Variants in EPAS1 observed in about 807,000 individuals in gnomAD.
EPAS1 encodes endothelial PAS domain-containing protein 1.
Under a neutral mutation model 87.9 loss-of-function variants are expected in EPAS1, and 23 were observed. The observed-to-expected ratio is 0.26, with a 90% CI of 0.19 to 0.37. EPAS1 has a LOEUF of 0.37. Ranked by LOEUF, EPAS1 falls within the 10% of genes least tolerant of loss-of-function variation. The pLI is 1.00. For synonymous variants in EPAS1, 508 were observed against 444.3 expected, an observed-to-expected ratio of 1.14 and a Z score of -1.80; for missense variants, 1,138 against 1,120.7, an observed-to-expected ratio of 1.02 and a Z score of -0.22.
intron 6 of EPAS1, among the ~76,000 whole-genome samples, chr2:46,363,013 G>GGTA (rs1684431811): frequency 1.5e-5 from 2 of 131,474 alleles, no homozygotes; most frequent in African/African-American, 2.8e-5. Flanking sequence ...TGGTGGTGGT[G>GGTA]GTGGTGATAA....
chr2:46,323,827 A>G lies in EPAS1; in HGVS notation c.27-23046A>G, dbSNP rs7609038. On this transcript the variant is annotated intron_variant, in intron 1 of 15. Coordinates refer to ENST00000263734, the MANE Select transcript of EPAS1 (RefSeq NM_001430.5). Reference sequence around the variant, plus strand: ...ATCTGTTTTCCACAGGGAAGCCAAAACAGAATTTTGCAAAGATATACATGA... The same window carrying G: ...ATCTGTTTTCCACAGGGAAGCCAAAGCAGAATTTTGCAAAGATATACATGA... Among the ~76,000 whole-genome samples, 710 of 152,338 alleles carry G rather than the reference A, an allele frequency of 4.7e-3. 6 individuals are homozygous for G. Among genetic ancestry groups the G allele is most frequent in the African/African-American group, 0.017 (693 of 41,570 alleles).
intron 1 of EPAS1, among the ~76,000 whole-genome samples, chr2:46,303,571 C>T (rs763490103): frequency 6.3e-4 from 96 of 152,256 alleles, no homozygotes; most frequent in Non-Finnish European, 1.2e-3. Context: ...GTGGAGACAG[C>T]TATGACTCCA....
chr2:46,365,879 A>T (rs1201578781), intron 6 of EPAS1, among the ~76,000 whole-genome samples: 1 of 152,104 alleles, frequency 6.6e-6, no homozygotes, highest in Non-Finnish European at 1.5e-5. Context: ...CGATGGGCAG[A>T]GTGTGGAAGG....
intron 1 of EPAS1, among the ~76,000 whole-genome samples, chr2:46,317,593 T>C (rs1043461160): frequency 1.3e-5 from 2 of 152,224 alleles, no homozygotes; most frequent in African/African-American, 4.8e-5. Context: ...AAATGATAAG[T>C]GGCTTCAGCT....
At position 46,346,780 on chromosome 2, in the gene EPAS1, G is replaced by A. The variant is rs1483134088; in HGVS notation, c.27-93G>A. 7.5e-6 allele frequency: 10 copies of A among 1,341,730 alleles called. No homozygotes were observed. The highest frequency in any genetic ancestry group is 1.0e-5 in the Non-Finnish European group (10 of 952,758). 83.1% of individuals were successfully genotyped at this position (1,341,730 alleles called of 1,614,324 possible). A position where few individuals can be genotyped will look rare whatever the true frequency, so the allele number is the denominator to read the frequency against. ...ATCAGTCTAGTAAGGGAGTGTGGCTGCACTGGGGGTTGGGGCCATGGGGAT... is the reference window on the plus strand; with the variant it reads ...ATCAGTCTAGTAAGGGAGTGTGGCTACACTGGGGGTTGGGGCCATGGGGAT... On this transcript the variant is annotated intron_variant, in intron 1 of 15. Coordinates refer to ENST00000263734, the MANE Select transcript of EPAS1 (RefSeq NM_001430.5). The surrounding 1 kb of genome is among the most constrained non-coding windows in gnomAD (Gnocchi z 4.0).
At chr2:46,314,210 G>T (rs1683270052) in intron 1 of EPAS1, among the ~76,000 whole-genome samples, 1 of 152,172 alleles carries the variant, frequency 6.6e-6, no homozygotes, top group African/African-American at 2.4e-5. Flanking sequence ...TACACCGGAG[G>T]AGTAGAGGCC....
chr2:46,308,495 TA>T (rs965767629), intron 1 of EPAS1, among the ~76,000 whole-genome samples: 1 of 147,114 alleles, frequency 6.8e-6, no homozygotes, highest in South Asian at 2.1e-4. Flanking sequence ...CTTAGTTTTT[TA>T]AAAAAAATAA....
chr2:46,343,495 G>A (rs187621826), intron 1 of EPAS1, among the ~76,000 whole-genome samples: 8 of 152,302 alleles, frequency 5.3e-5, no homozygotes, highest in Non-Finnish European at 1.5e-5. Flanking sequence ...TTGAGACAAT[G>A]TTTTTAGCAA....
At position 46,380,815 on chromosome 2, in the gene EPAS1, C is replaced by A. The variant is rs1684872929; in HGVS notation, c.2045+98C>A. ...CCAGGGAGGCCCCTGCCCCTCTCCC[C>A]AGCCATCTGATACCCCATTTAGCCC... is the stretch of plus-strand genomic sequence containing the variant. On this transcript the variant is annotated intron_variant, in intron 12 of 15. Coordinates refer to ENST00000263734, the MANE Select transcript of EPAS1 (RefSeq NM_001430.5). This position sits in a 1 kb window ranked among gnomAD's most constrained non-coding sequence, Gnocchi z 4.4. The A allele has an allele frequency of 2.2e-5, 35 of 1,583,146 alleles. No individual in the cohort carries two copies. Among genetic ancestry groups the A allele is most frequent in the Non-Finnish European group, 2.9e-5 (34 of 1,168,404 alleles).
At chr2:46,299,216 G>A (rs1385450251) in intron 1 of EPAS1, among the ~76,000 whole-genome samples, 1 of 152,236 alleles carries the variant, frequency 6.6e-6, no homozygotes, top group Non-Finnish European at 1.5e-5. Context: ...TTCCCACCTC[G>A]GGGCACCGAT....
chr2:46,380,158 T>G lies in EPAS1; in HGVS notation c.1555-69T>G. The G allele has an allele frequency of 6.3e-7, 1 of 1,598,936 alleles. No individual in the cohort carries two copies. The highest frequency in any genetic ancestry group is 8.5e-7 in the Non-Finnish European group (1 of 1,179,310). On this transcript the variant is annotated intron_variant, in intron 11 of 15. Coordinates refer to ENST00000263734, the MANE Select transcript of EPAS1 (RefSeq NM_001430.5). This position sits in a 1 kb window ranked among gnomAD's most constrained non-coding sequence, Gnocchi z 4.4. The stretch of plus-strand genomic sequence containing the variant: ...TTGAGATGAATGGCTCTGCAGGAGC[T>G]GAGTTGGAATAGTGTTTGTGAGGTC...
intron 1 of EPAS1, among the ~76,000 whole-genome samples, chr2:46,330,961 C>T (rs906514426): frequency 2.0e-5 from 3 of 151,790 alleles, no homozygotes; most frequent in Non-Finnish European, 4.4e-5. Context: ...TGGGTTATGT[C>T]ATCTTTCTTG....
chr2:46,362,872 C>T (rs1217901317), intron 6 of EPAS1, among the ~76,000 whole-genome samples: 1 of 151,910 alleles, frequency 6.6e-6, no homozygotes, highest in African/African-American at 2.4e-5. Flanking sequence ...AAGAAATGCT[C>T]TAACCTCATA....
At position 46,386,562 on chromosome 2, in the gene EPAS1, A is replaced by G. The variant is rs1271594121; in HGVS notation, c.*1902A>G. On this transcript the variant is annotated 3_prime_UTR_variant, in exon 16 of 16. Transcript: ENST00000263734. ...ATATTCCAAGCTTCATATTAACCCTACCTGTCAACGTAACGATTTCATGAA... is the reference window on the plus strand; with the variant it reads ...ATATTCCAAGCTTCATATTAACCCTGCCTGTCAACGTAACGATTTCATGAA... 6.6e-6 allele frequency: 1 copy of G among 152,622 alleles called. No individual in the cohort carries two copies. The highest frequency in any genetic ancestry group is 2.4e-5 in the African/African-American group (1 of 41,442). The allele number at this position is 152,622 out of a possible 1,614,324, so 9.5% of individuals were successfully genotyped here. A position where few individuals can be genotyped will look rare whatever the true frequency, so the allele number is the denominator to read the frequency against.
rs1346270479 is a variant in EPAS1, at chr2:46,347,238, C to T, written c.217+175C>T. On this transcript the variant is annotated intron_variant, in intron 2 of 15. Coordinates refer to ENST00000263734, the MANE Select transcript of EPAS1 (RefSeq NM_001430.5). The surrounding 1 kb of genome is among the most constrained non-coding windows in gnomAD (Gnocchi z 4.2). ...TTCATGTTAAACATCTCTCTTCCAGCAGTGACCTTTACCGTGAATCCAGCT... is the reference window on the plus strand; with the variant it reads ...TTCATGTTAAACATCTCTCTTCCAGTAGTGACCTTTACCGTGAATCCAGCT... The T allele has an allele frequency of 1.4e-6, 1 of 736,342 alleles. No individual in the cohort carries two copies. The highest frequency in any genetic ancestry group is 2.7e-5 in the East Asian group (1 of 37,150). 45.6% of individuals were successfully genotyped at this position (736,342 alleles called of 1,614,324 possible).
At position 46,375,971 on chromosome 2, in the gene EPAS1, G is replaced by A. The variant is rs994399080; in HGVS notation, c.1034+134G>A. The A allele has an allele frequency of 3.3e-6, 4 of 1,194,798 alleles. No individual in the cohort carries two copies. The African/African-American group carries it at 4.5e-5, about 13-fold the overall frequency. The allele number at this position is 1,194,798 out of a possible 1,614,324, so 74.0% of individuals were successfully genotyped here. A position where few individuals can be genotyped will look rare whatever the true frequency, so the allele number is the denominator to read the frequency against. ...GGCACCACCTCAGGGAGGTCTTGCA[G>A]GGCTAACCCTAGTGACTGAGAGGAC... On this transcript the variant is annotated intron_variant, in intron 8 of 15. Coordinates refer to ENST00000263734, the MANE Select transcript of EPAS1 (RefSeq NM_001430.5). This position sits in a 1 kb window ranked among gnomAD's most constrained non-coding sequence, Gnocchi z 4.1.
chr2:46,307,552 C>G (rs996555382), intron 1 of EPAS1, among the ~76,000 whole-genome samples: 1 of 152,112 alleles, frequency 6.6e-6, no homozygotes, highest in Non-Finnish European at 1.5e-5. Flanking sequence ...GGCTTTCTTG[C>G]TATCACTCTG....
At chr2:46,311,641 G>C (rs939322564) in intron 1 of EPAS1, among the ~76,000 whole-genome samples, 1 of 152,228 alleles carries the variant, frequency 6.6e-6, no homozygotes, top group African/African-American at 2.4e-5. Flanking sequence ...TGTGAAACCT[G>C]TGAACATATC....
At chr2:46,339,409 G>A (rs940985778) in intron 1 of EPAS1, among the ~76,000 whole-genome samples, 4 of 152,324 alleles carry the variant, frequency 2.6e-5, no homozygotes, top group South Asian at 4.1e-4. Flanking sequence ...GTCAGCAGGC[G>A]CTCTGTTCAC....
Sources: allele counts gnomAD v4.1 joint callset (sites outside exome capture counted in the v4.1 genomes callset), GRCh38; gene constraint gnomAD v4.1.1; non-coding constraint Gnocchi (gnomAD v3.1); transcripts MANE v1.5; gene names NCBI Gene and HGNC (gene_info 2026-07-23, HGNC 2026-07-21).